Variants in AFAP1 observed in about 807,000 individuals in gnomAD.
AFAP1 encodes the protein actin filament-associated protein 1.
A neutral mutation model predicts 93.9 loss-of-function variants in AFAP1; 75 were observed. That is an observed-to-expected ratio of 0.80 (90% CI 0.66 to 0.97). AFAP1 has a LOEUF of 0.97. Ranked by LOEUF, AFAP1 falls within the 50% of genes least tolerant of loss-of-function variation. The pLI, the probability that AFAP1 is intolerant of heterozygous loss-of-function variation, is 0.00. For missense variants in AFAP1, 1,201 were observed against 1,050.8 expected (o/e 1.14, Z -1.98); for synonymous variants, 517 against 430.7 (o/e 1.20, Z -2.48).
rs114025504 is a variant in AFAP1 at position 7,863,807 on chromosome 4, A to G, written c.225+4815T>C. 5.9e-3 allele frequency among the ~76,000 whole-genome samples: 892 copies of G among 152,368 alleles called. 7 individuals carry two copies. The highest frequency in any genetic ancestry group is 0.019 in the African/African-American group (779 of 41,578). The stretch of plus-strand genomic sequence containing the variant: ...AAGAGTTTATAATACAAAACACTAT[A>G]ACAAAAGGCAATATTCAATTCATGC... On this transcript the variant is annotated intron_variant, in intron 3 of 17. Coordinates refer to ENST00000420658, the MANE Select transcript of AFAP1 (RefSeq NM_001134647.2).
At chr4:7,892,627 C>G (rs1253737020) in intron 1 of AFAP1, among the ~76,000 whole-genome samples, 1 of 152,218 alleles carries the variant, frequency 6.6e-6, no homozygotes, top group Non-Finnish European at 1.5e-5. Flanking sequence ...AAATAAAAAG[C>G]TGACCCTGAT....
chr4:7,870,582 G>C (rs1716935332), intron 2 of AFAP1, among the ~76,000 whole-genome samples: 1 of 152,118 alleles, frequency 6.6e-6, no homozygotes, highest in Non-Finnish European at 1.5e-5. Context: ...ACCTGAGCCT[G>C]GGAGGTTAAT....
At chr4:7,833,534 C>G (rs896899612) in intron 6 of AFAP1, among the ~76,000 whole-genome samples, 1 of 151,270 alleles carries the variant, frequency 6.6e-6, no homozygotes, top group Non-Finnish European at 1.5e-5. Context: ...CACTTCTACA[C>G]TGCTGGTGGG....
chr4:7,914,086 A>C (rs1246047950), intron 1 of AFAP1, among the ~76,000 whole-genome samples: 4 of 150,410 alleles, frequency 2.7e-5, no homozygotes, highest in Non-Finnish European at 5.9e-5. Context: ...ACAAAGTCAC[A>C]CTCTGTCGCC....
rs1553829041 is a variant in AFAP1, at chr4:7,793,173, T to TTA, written c.1412+507_1412+508insTA. Among the ~76,000 whole-genome samples, 347 of 150,622 alleles carry TTA rather than the reference T, an allele frequency of 2.3e-3. 5 individuals carry two copies. The East Asian group carries it at 0.025, about 11-fold the overall frequency. ...TAGATGACTGCAGCATTTTTTTTTT[T>TTA]AAAAAAATCACAATTTAAATTTACA... On this transcript the variant is annotated intron_variant, in intron 11 of 17. Transcript: ENST00000420658.
chr4:7,858,586 G>T (rs1474672424), intron 3 of AFAP1, among the ~76,000 whole-genome samples: 1 of 152,150 alleles, frequency 6.6e-6, no homozygotes, highest in East Asian at 1.9e-4. Context: ...TAATGGAATT[G>T]TAAAAGGTAC....
intron 11 of AFAP1, among the ~76,000 whole-genome samples, chr4:7,787,964 AG>A (rs1717466694): frequency 6.7e-6 from 1 of 149,656 alleles, no homozygotes; most frequent in Admixed American, 6.6e-5. Flanking sequence ...GCTGCCCCCC[AG>A]GAGGCGGCCC....
At chr4:7,849,252 G>A (rs373646320) in intron 4 of AFAP1, among the ~76,000 whole-genome samples, 1 of 152,134 alleles carries the variant, frequency 6.6e-6, no homozygotes, top group Non-Finnish European at 1.5e-5. Flanking sequence ...TGAGAGGCTG[G>A]CAGAAAACAC....
Position 7,763,341 on chromosome 4 carries a change from ACT to A in AFAP1, c.*422_*423del, listed in dbSNP as rs1254003328. On this transcript the variant is annotated 3_prime_UTR_variant, in exon 18 of 18. Coordinates refer to ENST00000420658, the MANE Select transcript of AFAP1 (RefSeq NM_001134647.2). ...GAGCCCAGTGCCCATGGCCAGCCAC[ACT>A]CATGCCCGGGGCAGCCGGGGATCCA... 1 of 194,854 alleles carries A rather than the reference ACT, an allele frequency of 5.1e-6. No homozygotes were observed. Among genetic ancestry groups the A allele is most frequent in the Non-Finnish European group, 1.0e-5 (1 of 95,636 alleles). The allele number at this position is 194,854 out of a possible 1,614,324, so 12.1% of individuals were successfully genotyped here.
chr4:7,772,465 C>G (rs911971263), intron 16 of AFAP1: 4 of 194,148 alleles, frequency 2.1e-5, no homozygotes, highest in Admixed American at 1.2e-4. Flanking sequence ...AACTCTCAGA[C>G]ATGTTAGACG....
chr4:7,915,560 T>C (rs746415842), intron 1 of AFAP1, among the ~76,000 whole-genome samples: 2 of 152,256 alleles, frequency 1.3e-5, no homozygotes, highest in Non-Finnish European at 2.9e-5. Flanking sequence ...AGAGCCCATT[T>C]TGGAACCAGA....
At chr4:7,843,078 A>G in intron 5 of AFAP1, 61 bp downstream of exon 5, 1 of 1,559,330 alleles carries the variant, frequency 6.4e-7, no homozygotes. Context: ...CTGGATATAA[A>G]CGCCATGGCT....
intron 1 of AFAP1, among the ~76,000 whole-genome samples, chr4:7,933,903 A>G (rs1297766879): frequency 6.6e-6 from 1 of 152,254 alleles, no homozygotes; most frequent in Admixed American, 6.5e-5. Context: ...GAACTGTGAG[A>G]TGATACAATT....
At chr4:7,769,287 C>T (rs1223954146) in intron 16 of AFAP1, among the ~76,000 whole-genome samples, 1 of 152,122 alleles carries the variant, frequency 6.6e-6, no homozygotes, top group Non-Finnish European at 1.5e-5. Flanking sequence ...GATTCCTGCC[C>T]TAGTCTTTTG....
intron 9 of AFAP1, among the ~76,000 whole-genome samples, chr4:7,801,399 T>C (rs571184202): frequency 7.0e-4 from 106 of 151,110 alleles, no homozygotes; most frequent in African/African-American, 2.4e-3. Flanking sequence ...GATAGAGGAG[T>C]GGTAGAATGA....
At chr4:7,799,096 G>A (rs964551021) in intron 10 of AFAP1, 11 of 985,598 alleles carry the variant, frequency 1.1e-5, no homozygotes, top group African/African-American at 1.0e-4. Flanking sequence ...CTCAGCATTC[G>A]TGTTTTACGG....
chr4:7,816,223 G>A (rs1193868670), intron 7 of AFAP1, 124 bp from the exon 8 acceptor site: 13 of 759,566 alleles, frequency 1.7e-5, no homozygotes, highest in Non-Finnish European at 2.6e-5. Context: ...TAGCAATCCA[G>A]AAGTGGTTAG....
At chr4:7,841,151 C>T (rs895779342) in intron 5 of AFAP1, among the ~76,000 whole-genome samples, 2 of 152,184 alleles carry the variant, frequency 1.3e-5, no homozygotes, top group Non-Finnish European at 2.9e-5. Flanking sequence ...TATGAATGGG[C>T]GTCCTGAAGA....
At chr4:7,913,508 A>C (rs982747511) in intron 1 of AFAP1, among the ~76,000 whole-genome samples, 1 of 152,218 alleles carries the variant, frequency 6.6e-6, no homozygotes. Flanking sequence ...GAAAGTTTGA[A>C]AAACATATAA....
Sources: allele counts gnomAD v4.1 joint callset (sites outside exome capture counted in the v4.1 genomes callset), GRCh38; gene constraint gnomAD v4.1.1; transcripts MANE v1.5; gene names NCBI Gene and HGNC (gene_info 2026-07-23, HGNC 2026-07-21).